Variants in GABRB3 observed in about 807,000 individuals in gnomAD.
The protein encoded by GABRB3 is gamma-aminobutyric acid receptor subunit beta-3.
A neutral mutation model predicts 52.1 loss-of-function variants in GABRB3; 14 were observed. That is an observed-to-expected ratio of 0.27 (90% CI 0.18 to 0.42). The LOEUF (loss-of-function observed/expected upper bound fraction) is 0.42. Ranked by LOEUF, GABRB3 falls within the 10% of genes least tolerant of loss-of-function variation. The pLI is 1.00. For synonymous variants in GABRB3, 260 were observed against 232.3 expected (o/e 1.12, Z -1.08); for missense variants, 307 against 609.1 (o/e 0.50, Z 5.22).
At chr15:26,634,985 A>AATAT (rs1555372933) in intron 3 of GABRB3, among the ~76,000 whole-genome samples, 62 of 5,850 alleles carry the variant, frequency 0.011, no homozygotes, top group African/African-American at 0.016. Context: ...TGTATCTCTA[A>AATAT]ATATATATAT....
chr15:26,743,885 T>A (rs917692603), intron 3 of GABRB3, among the ~76,000 whole-genome samples: 2 of 152,150 alleles, frequency 1.3e-5, no homozygotes, highest in Non-Finnish European at 2.9e-5. Context: ...TGAGCACTCG[T>A]CTCTAAGAAA....
intron 4 of GABRB3, among the ~76,000 whole-genome samples, chr15:26,605,734 C>T (rs981677666): frequency 2.0e-5 from 3 of 152,078 alleles, no homozygotes; most frequent in African/African-American, 7.2e-5. Flanking sequence ...AACAATTGAA[C>T]TCACGGAGAT....
chr15:26,716,555 C>G (rs1017608308), intron 3 of GABRB3: 1 of 986,596 alleles, frequency 1.0e-6, no homozygotes, highest in African/African-American at 1.7e-5. Flanking sequence ...ACCCATAAAC[C>G]GTCTTCACCA....
At chr15:26,562,549 G>A (rs754900819) in intron 7 of GABRB3, among the ~76,000 whole-genome samples, 3 of 152,196 alleles carry the variant, frequency 2.0e-5, no homozygotes, top group Non-Finnish European at 4.4e-5. Context: ...ACTCTGGGAC[G>A]GAGCCCAGGC....
At chr15:26,734,895 GAC>G (rs1413417140) in intron 3 of GABRB3, among the ~76,000 whole-genome samples, 1 of 152,040 alleles carries the variant, frequency 6.6e-6, no homozygotes, top group Non-Finnish European at 1.5e-5. Flanking sequence ...CAGCCTGTAC[GAC>G]ACAGCAAGAA....
chr15:26,606,768 CTATAGATA>C (rs776374209), intron 4 of GABRB3, among the ~76,000 whole-genome samples: 25 of 89,744 alleles, frequency 2.8e-4, no homozygotes, highest in African/African-American at 6.8e-4. Flanking sequence ...ATCTGTCTAT[CTATAGATA>C]GATAGATATA....
chr15:26,642,447 A>C (rs1270657599), intron 3 of GABRB3: 1 of 1,285,578 alleles, frequency 7.8e-7, no homozygotes, highest in Non-Finnish European at 1.0e-6. Context: ...TCAATTCCAA[A>C]CTCCTGGAAA....
At chr15:26,765,716 A>G (rs935653351) in intron 3 of GABRB3, among the ~76,000 whole-genome samples, 15 of 152,240 alleles carry the variant, frequency 9.9e-5, no homozygotes, top group African/African-American at 3.6e-4. Flanking sequence ...TGGAGAAGAA[A>G]GACTAAGCAA....
chr15:26,590,705 TG>T (rs67789011), intron 4 of GABRB3, among the ~76,000 whole-genome samples: 9,661 of 152,234 alleles, frequency 0.063, 995 homozygotes, highest in African/African-American at 0.22. Flanking sequence ...CAAAGGCTTT[TG>T]CTATGGGAAC....
rs139213227 is a variant in GABRB3, at chr15:26,736,175, G to A, written c.240+36227C>T. 5.1e-3 allele frequency among the ~76,000 whole-genome samples: 775 copies of A among 152,246 alleles called. 5 individuals carry two copies. The highest frequency in any genetic ancestry group is 0.018 in the African/African-American group (741 of 41,540). ...ATAGTGGCAATTATTGCACAAAAGT[G>A]CAAATGCATTTAATGCAACTAACCT... On this transcript the variant is annotated intron_variant, in intron 3 of 8. Transcript: ENST00000311550.
rs147861349 is a variant in GABRB3 at position 26,697,861 on chromosome 15, T to A, written c.240+74541A>T. Among the ~76,000 whole-genome samples, 1,235 of 152,294 alleles carry A rather than the reference T, an allele frequency of 8.1e-3. 6 individuals are homozygous for A. Among genetic ancestry groups the A allele is most frequent in the Non-Finnish European group, 0.011 (724 of 68,018 alleles). On this transcript the variant is annotated intron_variant, in intron 3 of 8. Coordinates refer to ENST00000311550, the MANE Select transcript of GABRB3 (RefSeq NM_000814.6). ...TGTGCTCTCATTTGTTTCTCCACGTTCACTGTTTCTCCCAGCAGAACTCCG... is the reference window on the plus strand; with the variant it reads ...TGTGCTCTCATTTGTTTCTCCACGTACACTGTTTCTCCCAGCAGAACTCCG...
intron 3 of GABRB3, among the ~76,000 whole-genome samples, chr15:26,695,081 G>T (rs8032676): frequency 0.16 from 25,044 of 151,992 alleles, 2,301 homozygotes; most frequent in Middle Eastern, 0.26. Flanking sequence ...TATAACAAAC[G>T]TATATGTAAT....
intron 3 of GABRB3, among the ~76,000 whole-genome samples, chr15:26,627,819 T>A (rs929945453): frequency 1.3e-5 from 2 of 152,250 alleles, no homozygotes; most frequent in East Asian, 1.9e-4. Context: ...ACTTAGTTGA[T>A]AAAGCAGTGG....
intron 3 of GABRB3, chr15:26,628,995 G>A (rs1317680050): frequency 6.5e-7 from 1 of 1,536,048 alleles, no homozygotes; most frequent in African/African-American, 1.4e-5. Context: ...TCTGGTAGGT[G>A]GCCCACATGG....
At chr15:26,700,720 T>C (rs1000892068) in intron 3 of GABRB3, among the ~76,000 whole-genome samples, 12 of 152,212 alleles carry the variant, frequency 7.9e-5, no homozygotes, top group Admixed American at 7.2e-4. Flanking sequence ...CCAATAGACA[T>C]GGGAAAAACA....
intron 3 of GABRB3, among the ~76,000 whole-genome samples, chr15:26,678,772 C>G (rs1408883511): frequency 6.6e-6 from 1 of 152,124 alleles, no homozygotes; most frequent in Non-Finnish European, 1.5e-5. Flanking sequence ...TTTTCTGGAG[C>G]CCTGGTTGCT....
intron 3 of GABRB3, among the ~76,000 whole-genome samples, chr15:26,714,459 A>G (rs1190460282): frequency 6.6e-6 from 1 of 152,244 alleles, no homozygotes; most frequent in Non-Finnish European, 1.5e-5. Context: ...GACATGAGAC[A>G]TCAATCAATG....
At position 26,547,448 on chromosome 15, in the gene GABRB3, A is replaced by G; in HGVS notation, c.*345T>C. On this transcript the variant is annotated 3_prime_UTR_variant, in exon 9 of 9. Coordinates refer to ENST00000311550, the MANE Select transcript of GABRB3 (RefSeq NM_000814.6). ...CTCATTCTCAAGGCATAATATTTAG[A>G]TGATACTTGTCCCTTTCAATTAAAA... 2 of 467,538 alleles carry G rather than the reference A, an allele frequency of 4.3e-6. No individual in the cohort carries two copies. The highest frequency in any genetic ancestry group is 1.1e-4 in the South Asian group (2 of 18,592). The allele number at this position is 467,538 out of a possible 1,614,324, so 29.0% of individuals were successfully genotyped here.
chr15:26,726,654 A>G (rs1674388949), intron 3 of GABRB3, among the ~76,000 whole-genome samples: 1 of 152,172 alleles, frequency 6.6e-6, no homozygotes, highest in Non-Finnish European at 1.5e-5. Context: ...CAAATATGTC[A>G]TAGAGGTGAT....
Sources: gnomAD v4.1 joint callset for allele counts (sites outside exome capture counted in the v4.1 genomes callset) on GRCh38, gnomAD v4.1.1 for gene constraint, MANE v1.5 for transcripts, NCBI Gene and HGNC (gene_info 2026-07-23, HGNC 2026-07-21) for gene names.